The following WDR37 variants were observed in gnomAD, a reference collection of about 807,000 sequenced individuals.
WDR37 encodes the protein WD repeat domain 37, also known as WD repeat-containing protein 37.
Under a neutral mutation model 62.9 loss-of-function variants are expected in WDR37, and 19 were observed. That is an observed-to-expected ratio of 0.30 (90% CI 0.21 to 0.44). WDR37 has a LOEUF of 0.44. Among genes scored for constraint, WDR37 ranks in the 20% least tolerant of loss-of-function variants. The pLI is 1.00. For missense variants in WDR37, 474 were observed against 657.6 expected (o/e 0.72, Z 3.05); for synonymous variants, 250 against 260.9 (o/e 0.96, Z 0.40).
In WDR37 at chr10:1,072,221, C is replaced by T; in HGVS notation, c.66C>T (p.Ser22=). ...RQTKQKRKSH[S]LSIRRTNSSE... Reference sequence around the variant, plus strand: ...CAAAACAGAAGCGCAAATCCCATAGCCTTTCTATACGAAGAACTAACAGCT... The same window carrying T: ...CAAAACAGAAGCGCAAATCCCATAGTCTTTCTATACGAAGAACTAACAGCT... Residue 22 remains serine, a synonymous_variant, in exon 2 of 14, where the codon AGC becomes AGT. Coordinates refer to ENST00000263150, the MANE Select transcript of WDR37 (RefSeq NM_014023.4). The T allele has an allele frequency of 6.2e-7, 1 of 1,614,198 alleles. No individual in the cohort carries two copies. Among genetic ancestry groups the T allele is most frequent in the South Asian group, 1.1e-5 (1 of 91,082 alleles).
intron 9 of WDR37, among the ~76,000 whole-genome samples, chr10:1,101,601 A>G (rs1834804509): frequency 6.6e-6 from 1 of 152,094 alleles, no homozygotes; most frequent in Non-Finnish European, 1.5e-5. Flanking sequence ...GTTTGTTCAC[A>G]CAGCACACAC....
chr10:1,110,601 C>T (rs1211586133), intron 11 of WDR37, among the ~76,000 whole-genome samples: 1 of 152,202 alleles, frequency 6.6e-6, no homozygotes, highest in African/African-American at 2.4e-5. Flanking sequence ...GGGTGAGGTC[C>T]GGGGTGCGGG....
intron 11 of WDR37, chr10:1,123,783 A>G (rs76052526): frequency 0.087 from 13,485 of 155,576 alleles, 757 homozygotes; most frequent in Middle Eastern, 0.19. Context: ...TTATGATTAC[A>G]TTGATTGAGA....
intron 1 of WDR37, among the ~76,000 whole-genome samples, chr10:1,061,433 C>G (rs34899598): frequency 6.6e-6 from 1 of 152,176 alleles, no homozygotes; most frequent in Non-Finnish European, 1.5e-5. Flanking sequence ...AATTCAAAAT[C>G]CATAACATGA....
intron 11 of WDR37, among the ~76,000 whole-genome samples, chr10:1,123,570 T>A (rs1378272565): frequency 6.6e-6 from 1 of 152,240 alleles, no homozygotes; most frequent in Non-Finnish European, 1.5e-5. Context: ...AATATTCCAT[T>A]GTGTGTACAC....
intron 9 of WDR37, among the ~76,000 whole-genome samples, chr10:1,097,614 G>C (rs1834632843): frequency 6.6e-6 from 1 of 152,218 alleles, no homozygotes; most frequent in African/African-American, 2.4e-5. Flanking sequence ...GGTTGCCCAT[G>C]GTCCAGTGCT....
chr10:1,125,108 G>C, intron 13 of WDR37, 84 bp downstream of exon 13: 1 of 1,517,776 alleles, frequency 6.6e-7, no homozygotes, highest in Non-Finnish European at 8.8e-7. Flanking sequence ...TTCTTACTAA[G>C]TCTTTGCATG....
chr10:1,125,174 TGAA>T, intron 13 of WDR37, 150 bp downstream of exon 13: 2 of 1,370,036 alleles, frequency 1.5e-6, no homozygotes, highest in Non-Finnish European at 1.9e-6. Flanking sequence ...AATTTAAAAT[TGAA>T]GAAGTAGAGT....
intron 1 of WDR37, among the ~76,000 whole-genome samples, chr10:1,068,332 T>G (rs1833616801): frequency 1.2e-5 from 1 of 85,894 alleles, no homozygotes. Context: ...ATACAAAAAA[T>G]TAGCCGGGCG....
At position 1,105,369 on chromosome 10, in the gene WDR37, T is replaced by A; in HGVS notation, c.1103+102T>A. ...CCTTAATTTTCAGTATTTCCGACTC[T>A]ACTATCTTTCAAAAAAATAACTACC... On this transcript the variant is annotated intron_variant, in intron 11 of 13. Coordinates refer to ENST00000263150, the MANE Select transcript of WDR37 (RefSeq NM_014023.4). The surrounding 1 kb of genome is among the most constrained non-coding windows in gnomAD (Gnocchi z 5.3). 1.5e-6 allele frequency: 2 copies of A among 1,377,934 alleles called. No individual in the cohort carries two copies. The highest frequency in any genetic ancestry group is 9.8e-7 in the Non-Finnish European group (1 of 1,021,808). The allele number at this position is 1,377,934 out of a possible 1,614,324, so 85.4% of individuals were successfully genotyped here.
intron 9 of WDR37, among the ~76,000 whole-genome samples, chr10:1,099,255 T>G (rs1164280563): frequency 1.3e-5 from 2 of 152,196 alleles, no homozygotes; most frequent in Admixed American, 1.3e-4. Context: ...GGATAAATGT[T>G]AGTGGCGTGA....
intron 9 of WDR37, among the ~76,000 whole-genome samples, chr10:1,102,247 G>A (rs1045890111): frequency 6.8e-6 from 1 of 147,806 alleles, no homozygotes; most frequent in Admixed American, 6.7e-5. Flanking sequence ...ATCCCGTGCC[G>A]CTGTGCGTCC....
chr10:1,079,327 T>C (rs1319356443), intron 3 of WDR37, among the ~76,000 whole-genome samples: 1 of 151,946 alleles, frequency 6.6e-6, no homozygotes, highest in African/African-American at 2.4e-5. Flanking sequence ...TCAAGTGATC[T>C]GCCTGCCTCG....
intron 13 of WDR37, among the ~76,000 whole-genome samples, chr10:1,126,775 TC>T: frequency 6.6e-6 from 1 of 152,326 alleles, no homozygotes; most frequent in East Asian, 1.9e-4. Context: ...CACCTTTTCT[TC>T]CGGTAGCACA....
intron 11 of WDR37, among the ~76,000 whole-genome samples, chr10:1,111,616 C>G (rs977157544): frequency 6.6e-6 from 1 of 152,144 alleles, no homozygotes; most frequent in African/African-American, 2.4e-5. Context: ...TCACCTTTTC[C>G]TTTTGATGTG....
chr10:1,104,394 A>G (rs1039829128), intron 10 of WDR37, among the ~76,000 whole-genome samples: 1 of 152,252 alleles, frequency 6.6e-6, no homozygotes, highest in Non-Finnish European at 1.5e-5. Context: ...GGGCCCCTGC[A>G]CAGGGCTTGC....
At chr10:1,081,361 T>C (rs1834022944) in intron 5 of WDR37, among the ~76,000 whole-genome samples, 1 of 152,246 alleles carries the variant, frequency 6.6e-6, no homozygotes, top group South Asian at 2.1e-4. Context: ...ATTTCAAGGA[T>C]ACAAAGATAA....
intron 1 of WDR37, among the ~76,000 whole-genome samples, chr10:1,071,710 A>T (rs1203858951): frequency 1.3e-5 from 2 of 152,230 alleles, no homozygotes; most frequent in Non-Finnish European, 2.9e-5. Flanking sequence ...AAATGTGGAC[A>T]CTGGAAAATT....
chr10:1,125,158 T>C, intron 13 of WDR37, 134 bp downstream of exon 13: 11 of 1,414,236 alleles, frequency 7.8e-6, no homozygotes, highest in Non-Finnish European at 1.0e-5. Flanking sequence ...TATTTAGAGT[T>C]CATAAAATTT....
Sources: gnomAD v4.1 joint callset for allele counts (sites outside exome capture counted in the v4.1 genomes callset) on GRCh38, gnomAD v4.1.1 for gene constraint, Gnocchi (gnomAD v3.1) non-coding constraint, MANE v1.5 for transcripts, NCBI Gene and HGNC (gene_info 2026-07-23, HGNC 2026-07-21) for gene names.